TYW1B: variants seen among roughly 807,000 people sequenced by gnomAD.
TYW1B encodes tRNA-yW synthesizing protein 1 homolog B.
TYW1B carries 73 observed loss-of-function variants against 86.9 expected under a neutral mutation model. The ratio of observed to expected loss-of-function variants is 0.84; its 90% CI spans 0.70 to 1.02. The LOEUF is 1.02. Ranked by LOEUF, TYW1B falls within the 50% of genes least tolerant of loss-of-function variation. The pLI is 0.00. For synonymous variants in TYW1B, 248 were observed against 292.8 expected, an observed-to-expected ratio of 0.85 and a Z score of 1.56; for missense variants, 637 against 827.4, an observed-to-expected ratio of 0.77 and a Z score of 2.82.
At chr7:72,616,140 G>C (rs1230662895) in intron 13 of TYW1B, among the ~76,000 whole-genome samples, 1 of 152,042 alleles carries the variant, frequency 6.6e-6, no homozygotes, top group East Asian at 1.9e-4. Context: ...TCCTTTGCTA[G>C]GAGTTATTTA....
chr7:72,688,583 G>C (rs1466426158), intron 11 of TYW1B, among the ~76,000 whole-genome samples: 1 of 152,122 alleles, frequency 6.6e-6, no homozygotes, highest in Admixed American at 6.5e-5. Context: ...TGTGCTTCAC[G>C]TTGAAAGCTT....
rs564239646 is a variant in TYW1B, at chr7:72,608,196, A to T, written c.1785+8476T>A. On this transcript the variant is annotated intron_variant, in intron 13 of 13. Transcript: ENST00000620995. ...AATTGCTAAAGGAAGTTCTTCAAACAGATGGGGAAGATTCCAAAGGAAACT... is the reference window on the plus strand; with the variant it reads ...AATTGCTAAAGGAAGTTCTTCAAACTGATGGGGAAGATTCCAAAGGAAACT... Among the ~76,000 whole-genome samples the T allele has an allele frequency of 3.2e-4, 49 of 152,380 alleles. 1 individual carries two copies. The highest frequency in any genetic ancestry group is 5.9e-4 in the Non-Finnish European group (40 of 68,038).
intron 10 of TYW1B, among the ~76,000 whole-genome samples, chr7:72,713,082 T>C (rs1280265386): frequency 6.6e-6 from 1 of 151,508 alleles, no homozygotes; most frequent in Non-Finnish European, 1.5e-5. Context: ...GAGGATCACT[T>C]GAGGTCAGGA....
chr7:72,826,006 A>G (rs1293712432), intron 2 of TYW1B, among the ~76,000 whole-genome samples: 1 of 152,218 alleles, frequency 6.6e-6, no homozygotes, highest in African/African-American at 2.4e-5. Flanking sequence ...GTTCACTGCT[A>G]AAGGACAGTT....
chr7:72,668,507 G>C (rs1346633036), intron 11 of TYW1B, among the ~76,000 whole-genome samples: 1 of 150,878 alleles, frequency 6.6e-6, no homozygotes, highest in African/African-American at 2.4e-5. Context: ...TAACATGAAG[G>C]CCGAGAAAAC....
chr7:72,596,494 T>C (rs1811535577), intron 13 of TYW1B, among the ~76,000 whole-genome samples: 1 of 152,028 alleles, frequency 6.6e-6, no homozygotes, highest in Admixed American at 6.6e-5. Flanking sequence ...ACAAATATAG[T>C]CAAATTATCT....
intron 11 of TYW1B, among the ~76,000 whole-genome samples, chr7:72,645,448 C>A (rs1298519742): frequency 6.6e-6 from 1 of 152,090 alleles, no homozygotes; most frequent in Non-Finnish European, 1.5e-5. Context: ...ACACAGTGAA[C>A]ATCAGTTAGT....
At chr7:72,668,210 G>C (rs1813513171) in intron 11 of TYW1B, among the ~76,000 whole-genome samples, 1 of 152,160 alleles carries the variant, frequency 6.6e-6, no homozygotes, top group Non-Finnish European at 1.5e-5. Flanking sequence ...TTTGTTTTCA[G>C]TGGAAACTGG....
At chr7:72,770,893 G>C (rs1451075898) in intron 7 of TYW1B, among the ~76,000 whole-genome samples, 1 of 150,294 alleles carries the variant, frequency 6.7e-6, no homozygotes, top group Non-Finnish European at 1.5e-5. Context: ...AAAATAGGTT[G>C]AGTTTAAGAA....
chr7:72,577,750 T>C (rs1198422221), intron 13 of TYW1B, among the ~76,000 whole-genome samples: 1 of 152,214 alleles, frequency 6.6e-6, no homozygotes, highest in African/African-American at 2.4e-5. Context: ...GCAGAATTGA[T>C]TCCTACGATC....
At chr7:72,695,143 C>T (rs1266640724) in intron 10 of TYW1B, among the ~76,000 whole-genome samples, 1 of 152,150 alleles carries the variant, frequency 6.6e-6, no homozygotes, top group Non-Finnish European at 1.5e-5. Flanking sequence ...ATCAGCCCAG[C>T]ACAATTAGAG....
intron 11 of TYW1B, among the ~76,000 whole-genome samples, chr7:72,650,453 T>C (rs1554442638): frequency 2.6e-5 from 4 of 151,622 alleles, no homozygotes; most frequent in Non-Finnish European, 4.4e-5. Flanking sequence ...GAAAGAAGAG[T>C]AGACCACACT....
At chr7:72,641,468 C>A (rs1812798100) in intron 11 of TYW1B, among the ~76,000 whole-genome samples, 1 of 152,132 alleles carries the variant, frequency 6.6e-6, no homozygotes, top group African/African-American at 2.4e-5. Context: ...TGTAGAAATT[C>A]TCAGCAGAAT....
chr7:72,704,963 G>GA (rs1554453380), intron 10 of TYW1B, among the ~76,000 whole-genome samples: 1 of 152,100 alleles, frequency 6.6e-6, no homozygotes, highest in African/African-American at 2.4e-5. Context: ...AGACAGGAGA[G>GA]AAAATTAGAT....
chr7:72,584,774 G>C (rs1216884825), intron 13 of TYW1B, among the ~76,000 whole-genome samples: 2 of 151,994 alleles, frequency 1.3e-5, no homozygotes, highest in Non-Finnish European at 2.9e-5. Context: ...AAATTCTTAA[G>C]GTACTTCAAC....
chr7:72,632,072 G>T (rs1454984246), intron 11 of TYW1B, among the ~76,000 whole-genome samples: 1 of 151,250 alleles, frequency 6.6e-6, no homozygotes, highest in Non-Finnish European at 1.5e-5. Flanking sequence ...CAAGATGGGA[G>T]GATTACTTGA....
At position 72,664,005 on chromosome 7, in the gene TYW1B, T is replaced by G. The variant is rs1813400476; in HGVS notation, c.1506+30682A>C. On this transcript the variant is annotated intron_variant, in intron 11 of 13. Transcript: ENST00000620995. ...CTGAGATATATAAACATCAACTCTC[T>G]TACATCTTCTTTTCTACCTACGTGT... Among the ~76,000 whole-genome samples the G allele has an allele frequency of 2.0e-5, 3 of 151,994 alleles. No homozygotes were observed. In the South Asian group the frequency reaches 6.2e-4, roughly 32 times the overall value.
chr7:72,594,113 A>G (rs1205380741), intron 13 of TYW1B, among the ~76,000 whole-genome samples: 1 of 151,968 alleles, frequency 6.6e-6, no homozygotes, highest in Non-Finnish European at 1.5e-5. Context: ...AGGAACTAAA[A>G]ACAGGACAAA....
rs1334762865 is a variant in TYW1B, at chr7:72,652,259, TC to T, written c.1507-23263del. ...TGGGTGTGGTGGCAGGCGCCTGAAG[TC>T]CCAGCTACTTGGGAGGCTGAGGCAG... On this transcript the variant is annotated intron_variant, in intron 11 of 13. Coordinates refer to ENST00000620995, the MANE Select transcript of TYW1B (RefSeq NM_001145440.3). Among the ~76,000 whole-genome samples the T allele has an allele frequency of 7.8e-4, 118 of 150,776 alleles. 1 individual carries two copies. The highest frequency in any genetic ancestry group is 7.9e-4 in the East Asian group (4 of 5,042).
Sources: gnomAD v4.1 joint callset for allele counts (sites outside exome capture counted in the v4.1 genomes callset) on GRCh38, gnomAD v4.1.1 for gene constraint, MANE v1.5 for transcripts, NCBI Gene and HGNC (gene_info 2026-07-23, HGNC 2026-07-21) for gene names.